The following CHAC2 variants were observed in gnomAD, a reference collection of about 807,000 sequenced individuals.
CHAC2 encodes ChaC glutathione specific gamma-glutamylcyclotransferase 2, also known as glutathione-specific gamma-glutamylcyclotransferase 2.
Under a neutral mutation model 16.9 loss-of-function variants are expected in CHAC2, and 20 were observed. The ratio of observed to expected loss-of-function variants is 1.18; its 90% CI spans 0.83 to 1.72. The LOEUF (loss-of-function observed/expected upper bound fraction) is 1.72, where lower values mean the gene tolerates loss of function less well. CHAC2 is among the 40% of genes most tolerant of loss of function. CHAC2 has a pLI of 0.00. For synonymous variants in CHAC2, 91 were observed against 77.3 expected (o/e 1.18, Z -0.93); for missense variants, 269 against 222.2 (o/e 1.21, Z -1.34).
intron 1 of CHAC2, 58 bp from the exon 2 acceptor site, chr2:53,771,849 C>A: frequency 1.1e-6 from 1 of 915,194 alleles, no homozygotes; most frequent in South Asian, 1.5e-5. Context: ...TGCTAATGCT[C>A]AGCTACTTAA....
Position 53,772,529 on chromosome 2 carries a change from C to T in CHAC2, c.171+587C>T, listed in dbSNP as rs114678604. Among the ~76,000 whole-genome samples the T allele has an allele frequency of 4.4e-3, 671 of 152,082 alleles. 7 individuals are homozygous for T. Among genetic ancestry groups the T allele is most frequent in the African/African-American group, 0.016 (643 of 41,466 alleles). On this transcript the variant is annotated intron_variant, in intron 2 of 2. Coordinates refer to ENST00000295304, the MANE Select transcript of CHAC2 (RefSeq NM_001008708.4). ...CTAAGAATTTTGTGGTCCCCTTTGA[C>T]ATTAACGGAAATACCTGCCCCCGAC...
chr2:53,774,434 T>G lies in CHAC2; in HGVS notation c.464T>G (p.Leu155Arg). The G allele has an allele frequency of 6.2e-7, 1 of 1,610,834 alleles. No homozygotes were observed. Among genetic ancestry groups the G allele is most frequent in the Non-Finnish European group, 8.5e-7 (1 of 1,179,256 alleles). ...GAACTTGCAAATTCTATTAGGAACC[T>G]TGTGCCAGAAGAAGCAGATGAGCAT... ...LFELANSIRN[L>R]VPEEADEHLF... The change falls in exon 3 of 3, where the codon CTT (leucine) becomes CGT (arginine). Residue 155 changes from leucine to arginine, a missense_variant. Coordinates refer to ENST00000295304, the MANE Select transcript of CHAC2 (RefSeq NM_001008708.4).
chr2:53,767,988 G>C lies in CHAC2; in HGVS notation c.102G>C (p.Gln34His). ...YITNYSRRFW[Q>H]GSTDHRGVPG... ...CCAACTACAGCAGGCGCTTCTGGCA[G>C]GGCAGCACGGACCACCGCGGGGTCC... The change falls in exon 1 of 3, where the codon CAG (glutamine) becomes CAC (histidine). Residue 34 changes from glutamine to histidine, a missense_variant. Coordinates refer to ENST00000295304, the MANE Select transcript of CHAC2 (RefSeq NM_001008708.4). The C allele has an allele frequency of 1.2e-6, 2 of 1,611,504 alleles. No individual in the cohort carries two copies. Among genetic ancestry groups the C allele is most frequent in the Non-Finnish European group, 1.7e-6 (2 of 1,177,692 alleles).
intron 2 of CHAC2, 144 bp from the exon 3 acceptor site, chr2:53,773,998 G>A: frequency 7.8e-6 from 7 of 895,128 alleles, no homozygotes; most frequent in Non-Finnish European, 1.2e-5. Context: ...TCGTGCCACT[G>A]CACCACAGCC....
rs1049912532 is a variant in CHAC2, at chr2:53,775,116, C to CT, written c.*597dup. 6.6e-6 allele frequency: 1 copy of CT among 152,454 alleles called. No individual in the cohort carries two copies. The highest frequency in any genetic ancestry group is 2.4e-5 in the African/African-American group (1 of 41,400). The allele number at this position is 152,454 out of a possible 1,614,324, so 9.4% of individuals were successfully genotyped here. A position where few individuals can be genotyped will look rare whatever the true frequency, so the allele number is the denominator to read the frequency against. On this transcript the variant is annotated 3_prime_UTR_variant, in exon 3 of 3. Coordinates refer to ENST00000295304, the MANE Select transcript of CHAC2 (RefSeq NM_001008708.4). Reference sequence around the variant, plus strand: ...GGAATTATAATGTACTGTACCTCTTCTTTTTTAAATAAAGGCATTTTACTA... The same window carrying CT: ...GGAATTATAATGTACTGTACCTCTTCTTTTTTTAAATAAAGGCATTTTACTA...
At chr2:53,768,303 A>T in intron 1 of CHAC2, 1 of 370,804 alleles carries the variant, frequency 2.7e-6, no homozygotes, top group Admixed American at 4.1e-5. Context: ...CTGAGTGCGG[A>T]GATGGGGACT....
intron 1 of CHAC2, 124 bp downstream of exon 1, chr2:53,768,145 G>A (rs986811028): frequency 1.8e-6 from 2 of 1,132,854 alleles, no homozygotes; most frequent in East Asian, 2.6e-5. Flanking sequence ...CACATGGCTT[G>A]GGGTAACATT....
Position 53,774,549 on chromosome 2 carries a change from C to T in CHAC2, c.*24C>T, listed in dbSNP as rs1343411971. On this transcript the variant is annotated 3_prime_UTR_variant, in exon 3 of 3. Coordinates refer to ENST00000295304, the MANE Select transcript of CHAC2 (RefSeq NM_001008708.4). ...AATTTAGTCTTCAGAGAATTAACTT[C>T]AGTGCACAATGACAATATGATTTGG... is the stretch of plus-strand genomic sequence containing the variant. The T allele has an allele frequency of 2.0e-6, 3 of 1,473,012 alleles. No individual in the cohort carries two copies. Among genetic ancestry groups the T allele is most frequent in the Non-Finnish European group, 2.7e-6 (3 of 1,100,224 alleles). 91.2% of individuals were successfully genotyped at this position (1,473,012 alleles called of 1,614,324 possible).
chr2:53,769,080 A>C (rs1041059072), intron 1 of CHAC2, among the ~76,000 whole-genome samples: 4 of 152,254 alleles, frequency 2.6e-5, no homozygotes, highest in African/African-American at 7.2e-5. Flanking sequence ...GGACACAGTG[A>C]CCTGAAAAGG....
intron 1 of CHAC2, among the ~76,000 whole-genome samples, chr2:53,768,764 G>T (rs781081908): frequency 6.6e-6 from 1 of 152,158 alleles, no homozygotes; most frequent in African/African-American, 2.4e-5. Context: ...GTCCTACAAA[G>T]ACATTAATCT....
At chr2:53,768,250 G>A (rs1336180948) in intron 1 of CHAC2, 1 of 502,162 alleles carries the variant, frequency 2.0e-6, no homozygotes, top group East Asian at 3.3e-5. Context: ...AGTCTCTAGA[G>A]ACGGCGAGAA....
rs559871783 is a variant in CHAC2, at chr2:53,769,885, G to A, written c.135+1864G>A. Among the ~76,000 whole-genome samples the A allele has an allele frequency of 1.6e-4, 25 of 152,276 alleles. 1 individual carries two copies. In the South Asian group the frequency reaches 5.2e-3, roughly 32 times the overall value. ...AAAAGGTGTCTTTCTGATCACCTAA[G>A]ACTCAGAATTCTAACTGCACTTAAT... On this transcript the variant is annotated intron_variant, in intron 1 of 2. Coordinates refer to ENST00000295304, the MANE Select transcript of CHAC2 (RefSeq NM_001008708.4).
chr2:53,772,364 C>T (rs1433093448), intron 2 of CHAC2, among the ~76,000 whole-genome samples: 4 of 152,066 alleles, frequency 2.6e-5, no homozygotes, highest in Admixed American at 6.6e-5. Flanking sequence ...TTAGTAGAGA[C>T]GAGGTTTCAC....
In CHAC2 at chr2:53,774,241, A is replaced by G; in HGVS notation, c.271A>G (p.Thr91Ala). Residue 91 changes from threonine to alanine, a missense_variant, in exon 3 of 3, where the codon ACA (threonine) becomes GCA (alanine). Transcript: ENST00000295304. The stretch of plus-strand genomic sequence containing the variant: ...AGAAAAAGGAGGCTACAGAACCACA[A>G]CAGTCATTTTTTATCCAAAAGATCC... ...FREKGGYRTT[T>A]VIFYPKDPTT... 4 of 1,614,158 alleles carry G rather than the reference A, an allele frequency of 2.5e-6. No individual in the cohort carries two copies. Among genetic ancestry groups the G allele is most frequent in the Non-Finnish European group, 3.4e-6 (4 of 1,180,022 alleles).
At chr2:53,769,423 C>CAA (rs1673733802) in intron 1 of CHAC2, among the ~76,000 whole-genome samples, 1 of 152,340 alleles carries the variant, frequency 6.6e-6, no homozygotes, top group Admixed American at 6.5e-5. Context: ...GTGGCTATAA[C>CAA]AACATACTTT....
chr2:53,767,900 G>A lies in CHAC2; in HGVS notation c.14G>A (p.Gly5Asp). MWVF[G>D]YGSLIWKVDF... The stretch of plus-strand genomic sequence containing the variant: ...AGCCGCGAGAAGATGTGGGTTTTTG[G>A]TTACGGGTCCCTGATCTGGAAGGTG... The change falls in exon 1 of 3, where the codon GGT becomes GAT. Residue 5 changes from glycine (G) to aspartate (D), a missense_variant. Physicochemically the swap from Gly to Asp is moderately conservative, Grantham distance 94. Coordinates refer to ENST00000295304, the MANE Select transcript of CHAC2 (RefSeq NM_001008708.4). 1.2e-6 allele frequency: 2 copies of A among 1,612,172 alleles called. No individual in the cohort carries two copies. The highest frequency in any genetic ancestry group is 2.2e-5 in the South Asian group (2 of 90,640).
At chr2:53,770,806 G>A (rs1029317822) in intron 1 of CHAC2, among the ~76,000 whole-genome samples, 29 of 152,128 alleles carry the variant, frequency 1.9e-4, no homozygotes, top group Admixed American at 1.9e-3. Flanking sequence ...TCCCATATAA[G>A]AACTACACGA....
In CHAC2 at chr2:53,767,818, G is replaced by A. The variant is rs988767566; in HGVS notation, c.-69G>A. On this transcript the variant is annotated 5_prime_UTR_variant, in exon 1 of 3. Transcript: ENST00000295304. ...CGCGGCCGGTTACTCGCTTACCGGA[G>A]GCTTCAGTCCCCGGCGGCGCGGCGA... 1.4e-5 allele frequency: 22 copies of A among 1,534,608 alleles called. 1 individual carries two copies. The highest frequency in any genetic ancestry group is 6.0e-5 in the Admixed American group (3 of 49,788).
chr2:53,772,753 TACATAGGTAA>T (rs1406014717), intron 2 of CHAC2, among the ~76,000 whole-genome samples: 4 of 152,322 alleles, frequency 2.6e-5, no homozygotes, highest in African/African-American at 7.2e-5. Context: ...GCAAGTTTGT[TACATAGGTAA>T]ACATGTGTCA....
Sources: allele counts gnomAD v4.1 joint callset (sites outside exome capture counted in the v4.1 genomes callset), GRCh38; gene constraint gnomAD v4.1.1; transcripts MANE v1.5; gene names NCBI Gene and HGNC (gene_info 2026-07-23, HGNC 2026-07-21).